PHF21A: variants seen among roughly 807,000 people sequenced by gnomAD.
The protein encoded by PHF21A is BHC80a.
Under a neutral mutation model 82.5 loss-of-function variants are expected in PHF21A, and 11 were observed. That is an observed-to-expected ratio of 0.13 (90% confidence interval 0.08 to 0.22). The LOEUF (loss-of-function observed/expected upper bound fraction) is 0.22. Among genes scored for constraint, PHF21A ranks in the 10% least tolerant of loss-of-function variants. PHF21A has a pLI of 1.00. For synonymous variants in PHF21A, 297 were observed against 302.8 expected, an observed-to-expected ratio of 0.98 and a Z score of 0.20; for missense variants, 579 against 837.8, an observed-to-expected ratio of 0.69 and a Z score of 3.81.
At chr11:46,101,087 T>C (rs1166079633) in intron 1 of PHF21A, among the ~76,000 whole-genome samples, 1 of 152,232 alleles carries the variant, frequency 6.6e-6, no homozygotes, top group Non-Finnish European at 1.5e-5. Context: ...TGGTGGTCCA[T>C]ACAACCATCA....
At chr11:46,053,910 T>C (rs1166551997) in intron 6 of PHF21A, among the ~76,000 whole-genome samples, 8 of 152,108 alleles carry the variant, frequency 5.3e-5, no homozygotes, top group Admixed American at 5.2e-4. Context: ...ACCCCTCCAA[T>C]GAGATTCCAG....
intron 6 of PHF21A, among the ~76,000 whole-genome samples, chr11:46,022,652 AGGTCTCACTATGTTACCCAG>A (rs998845056): frequency 6.6e-6 from 1 of 152,092 alleles, no homozygotes; most frequent in African/African-American, 2.4e-5. Flanking sequence ...TTTAGAGACA[AGGTCTCACTATGTTACCCAG>A]GCTGGTCTCT....
chr11:46,077,003 G>A (rs1048251161), intron 5 of PHF21A, among the ~76,000 whole-genome samples, 184 bp from the exon 6 acceptor site: 16 of 152,264 alleles, frequency 1.1e-4, no homozygotes, highest in Middle Eastern at 3.4e-3. Flanking sequence ...CTAAATACAG[G>A]CTCCTTGCAC....
intron 9 of PHF21A, among the ~76,000 whole-genome samples, chr11:45,969,184 GA>G (rs2093624517): frequency 6.6e-6 from 1 of 152,120 alleles, no homozygotes; most frequent in African/African-American, 2.4e-5. Context: ...TCCTACCAAG[GA>G]AGTCAACACT....
chr11:46,105,163 G>A (rs890042278), intron 1 of PHF21A, among the ~76,000 whole-genome samples: 1 of 152,184 alleles, frequency 6.6e-6, no homozygotes, highest in African/African-American at 2.4e-5. Flanking sequence ...GAGCTAATAC[G>A]TGGCAAAGCT....
At position 46,079,122 on chromosome 11, in the gene PHF21A, T is replaced by C; in HGVS notation, c.87+12A>G. Reference sequence around the variant, plus strand: ...AATTTAACAATTAAATGAATAACAATAGTAGTTTTACCTGTGGATCCTGCT... The same window carrying C: ...AATTTAACAATTAAATGAATAACAACAGTAGTTTTACCTGTGGATCCTGCT... On this transcript the variant is annotated intron_variant, in intron 5 of 18. Coordinates refer to ENST00000676320, the MANE Select transcript of PHF21A (RefSeq NM_001352027.3). 6.6e-7 allele frequency: 1 copy of C among 1,510,494 alleles called. No homozygotes were observed. Among genetic ancestry groups the C allele is most frequent in the Non-Finnish European group, 9.1e-7 (1 of 1,098,028 alleles). 93.6% of individuals were successfully genotyped at this position (1,510,494 alleles called of 1,614,324 possible). A position where few individuals can be genotyped will look rare whatever the true frequency, so the allele number is the denominator to read the frequency against.
intron 15 of PHF21A, among the ~76,000 whole-genome samples, chr11:45,943,572 T>C (rs1186578861): frequency 6.6e-6 from 1 of 152,250 alleles, no homozygotes; most frequent in Non-Finnish European, 1.5e-5. Flanking sequence ...TTCTTCTGCA[T>C]ATTTTAGACA....
At position 45,949,449 on chromosome 11, in the gene PHF21A, T is replaced by G. The variant is rs771154244; in HGVS notation, c.1180A>C (p.Arg394=). The change falls in exon 13 of 19, where the codon AGA becomes CGA. Residue 394 remains arginine (R), a synonymous_variant. Coordinates refer to ENST00000676320, the MANE Select transcript of PHF21A (RefSeq NM_001352027.3). ...IQSKRQERKR[R]TTANPVYSGA... is the part of the protein sequence containing the mutation. ...CTGTAGACCGGATTTGCTGTTGTTC[T>G]TCTTTTTCGCTCTTGCCTCTTGCTT... The G allele has an allele frequency of 2.5e-6, 4 of 1,614,238 alleles. No homozygotes were observed. Among genetic ancestry groups the G allele is most frequent in the Non-Finnish European group, 3.4e-6 (4 of 1,180,026 alleles).
chr11:45,953,832 G>C (rs900431074), intron 10 of PHF21A, among the ~76,000 whole-genome samples: 10 of 152,066 alleles, frequency 6.6e-5, no homozygotes, highest in African/African-American at 2.4e-4. Context: ...AAATTGCATG[G>C]CTAGAGTAAA....
chr11:45,959,417 A>G (rs2092937668), intron 10 of PHF21A, among the ~76,000 whole-genome samples: 1 of 152,242 alleles, frequency 6.6e-6, no homozygotes, highest in South Asian at 2.1e-4. Flanking sequence ...TGACTTTATA[A>G]AAAACATTTA....
At chr11:46,102,148 G>A (rs933521807) in intron 1 of PHF21A, among the ~76,000 whole-genome samples, 23 of 151,424 alleles carry the variant, frequency 1.5e-4, no homozygotes, top group African/African-American at 5.1e-4. Flanking sequence ...GAGCCACCAC[G>A]CCTGTCCCTG....
chr11:46,014,979 C>CAA (rs35525494), intron 6 of PHF21A, among the ~76,000 whole-genome samples: 3 of 21,572 alleles, frequency 1.4e-4, no homozygotes, highest in Admixed American at 5.1e-4. Context: ...GACTCCGTCT[C>CAA]AAAAAAAAAA....
In PHF21A at chr11:46,030,498, C is replaced by T. The variant is rs181056169; in HGVS notation, c.153+46256G>A. On this transcript the variant is annotated intron_variant, in intron 6 of 18. Coordinates refer to ENST00000676320, the MANE Select transcript of PHF21A (RefSeq NM_001352027.3). ...CATTTTAAAAAGATCCAAAAAGAGACAACAAGGAAAGTATTCTTTTTCAGT... is the reference window on the plus strand; with the variant it reads ...CATTTTAAAAAGATCCAAAAAGAGATAACAAGGAAAGTATTCTTTTTCAGT... Among the ~76,000 whole-genome samples, 10 of 152,224 alleles carry T rather than the reference C, an allele frequency of 6.6e-5. No homozygotes were observed. In the East Asian group the frequency reaches 1.9e-3, roughly 29 times the overall value.
chr11:46,084,893 G>T (rs1312850282), intron 3 of PHF21A, among the ~76,000 whole-genome samples: 1 of 152,038 alleles, frequency 6.6e-6, no homozygotes, highest in African/African-American at 2.4e-5. Flanking sequence ...TGTTAGCCAG[G>T]ATGGTCTTGA....
chr11:46,033,422 A>T (rs1452332038), intron 6 of PHF21A, among the ~76,000 whole-genome samples: 1 of 152,038 alleles, frequency 6.6e-6, no homozygotes, highest in Non-Finnish European at 1.5e-5. Flanking sequence ...GCACCACCAC[A>T]TCTGGCTAAT....
intron 3 of PHF21A, among the ~76,000 whole-genome samples, chr11:46,089,700 C>T (rs755567806): frequency 6.7e-5 from 10 of 149,992 alleles, no homozygotes; most frequent in Non-Finnish European, 1.3e-4. Flanking sequence ...ATGTTGTTTC[C>T]TATGAAATAA....
intron 7 of PHF21A, among the ~76,000 whole-genome samples, chr11:45,976,406 G>A (rs892714550): frequency 1.3e-5 from 2 of 152,054 alleles, no homozygotes; most frequent in African/African-American, 2.4e-5. Flanking sequence ...ACATTACCTA[G>A]AACAGTGCTT....
intron 6 of PHF21A, among the ~76,000 whole-genome samples, chr11:46,032,626 G>A (rs967245370): frequency 1.3e-5 from 2 of 152,048 alleles, no homozygotes; most frequent in Non-Finnish European, 2.9e-5. Context: ...TTAAAATGTA[G>A]ATTCCTATTC....
chr11:45,950,368 G>T, intron 11 of PHF21A, 111 bp from the exon 12 acceptor site: 1 of 750,448 alleles, frequency 1.3e-6, no homozygotes, highest in Non-Finnish European at 2.3e-6. Flanking sequence ...CGGGTCTCAT[G>T]AATGCACAAG....
Sources: gnomAD v4.1 joint callset for allele counts (sites outside exome capture counted in the v4.1 genomes callset) on GRCh38, gnomAD v4.1.1 for gene constraint, MANE v1.5 for transcripts, NCBI Gene and HGNC (gene_info 2026-07-23, HGNC 2026-07-21) for gene names.